Variants in DYM observed in about 807,000 individuals in gnomAD.
DYM encodes the protein dyggve-Melchior-Clausen syndrome protein.
A neutral mutation model predicts 93.1 loss-of-function variants in DYM; 78 were observed. That is an observed-to-expected ratio of 0.84 (90% CI 0.70 to 1.01). DYM has a LOEUF of 1.01. Among genes scored for constraint, DYM ranks in the 50% least tolerant of loss-of-function variants. The pLI is 0.00. For synonymous variants in DYM, 321 were observed against 319.7 expected (o/e 1.00, Z -0.04); for missense variants, 789 against 845.0 (o/e 0.93, Z 0.82).
chr18:49,059,232 G>C (rs1022759039), intron 17 of DYM, among the ~76,000 whole-genome samples: 1 of 152,098 alleles, frequency 6.6e-6, no homozygotes, highest in African/African-American at 2.4e-5. Context: ...TGCTGTCTAC[G>C]AACCACAAAG....
intron 8 of DYM, among the ~76,000 whole-genome samples, chr18:49,315,225 A>G (rs894066497): frequency 2.6e-5 from 4 of 151,874 alleles, no homozygotes; most frequent in South Asian, 2.1e-4. Flanking sequence ...AAAAAAAAAA[A>G]AAGAAGAAAG....
chr18:49,426,797 A>G lies in DYM; in HGVS notation c.140+3458T>C, dbSNP rs145653202. On this transcript the variant is annotated intron_variant, in intron 2 of 17. Transcript: ENST00000675505. ...TGTGTGTGTGTGTGTGTGTGAATTTACCCTCAAGACAGAAATAGGCCCTCT... is the reference window on the plus strand; with the variant it reads ...TGTGTGTGTGTGTGTGTGTGAATTTGCCCTCAAGACAGAAATAGGCCCTCT... Among the ~76,000 whole-genome samples the G allele has an allele frequency of 6.1e-3, 890 of 147,004 alleles. 10 individuals carry two copies. Among genetic ancestry groups the G allele is most frequent in the African/African-American group, 0.02 (829 of 40,616 alleles).
chr18:49,174,149 A>G (rs2089097396), intron 14 of DYM, among the ~76,000 whole-genome samples: 1 of 152,104 alleles, frequency 6.6e-6, no homozygotes, highest in African/African-American at 2.4e-5. Context: ...AAAATAGTGG[A>G]TGGTACTGAT....
intron 2 of DYM, among the ~76,000 whole-genome samples, chr18:49,425,238 C>T (rs1414587304): frequency 6.6e-6 from 1 of 152,030 alleles, no homozygotes; most frequent in Non-Finnish European, 1.5e-5. Flanking sequence ...GAAATAATAC[C>T]ACACATCTGC....
chr18:49,246,498 G>A (rs933901419), intron 13 of DYM, among the ~76,000 whole-genome samples: 5 of 152,170 alleles, frequency 3.3e-5, no homozygotes, highest in Admixed American at 6.5e-5. Context: ...GAGAGAAAGC[G>A]TGCCTCTTTT....
chr18:49,137,533 G>C (rs2083983827), intron 15 of DYM, among the ~76,000 whole-genome samples: 1 of 152,136 alleles, frequency 6.6e-6, no homozygotes, highest in Non-Finnish European at 1.5e-5. Context: ...GATTAAGACT[G>C]AATTTTTGCC....
chr18:49,113,916 A>G (rs748547441), intron 16 of DYM, among the ~76,000 whole-genome samples: 13 of 152,204 alleles, frequency 8.5e-5, no homozygotes, highest in Non-Finnish European at 1.9e-4. Context: ...TGGAATCTTA[A>G]TTAGGTTTAT....
chr18:49,437,644 C>T (rs1410305815), intron 1 of DYM, among the ~76,000 whole-genome samples: 1 of 152,158 alleles, frequency 6.6e-6, no homozygotes, highest in African/African-American at 2.4e-5. Flanking sequence ...TAGATACTGC[C>T]TGGCTGCCTT....
At chr18:49,071,858 T>C (rs2076917908) in intron 17 of DYM, among the ~76,000 whole-genome samples, 2 of 152,214 alleles carry the variant, frequency 1.3e-5, no homozygotes, top group South Asian at 2.1e-4. Flanking sequence ...CGTCTTGTCA[T>C]AGGGACTATT....
intron 1 of DYM, among the ~76,000 whole-genome samples, chr18:49,435,704 G>A (rs117059809): frequency 0.021 from 3,199 of 152,110 alleles, 47 homozygotes; most frequent in Non-Finnish European, 0.031. Context: ...CAGGAAAATC[G>A]CTTGAACCCT....
rs1416533999 is a variant in DYM at position 49,286,479 on chromosome 18, G to C, written c.901C>G (p.Pro301Ala). ...LANLTDASDA[P>A]NPYRQAIMSF... ...ATAATGGCTTGTCTGTAGGGGTTTGGCGCATCTGAGGCATCTGTCAGATTG... is the reference window on the plus strand; with the variant it reads ...ATAATGGCTTGTCTGTAGGGGTTTGCCGCATCTGAGGCATCTGTCAGATTG... The change falls in exon 9 of 18, where the codon CCA becomes GCA. Residue 301 changes from proline (P) to alanine (A), a missense_variant. Physicochemically the swap from Pro to Ala is conservative, Grantham distance 27 (BLOSUM62 -1). This residue lies in a region of DYM where 450 missense variants were observed against 436.2 expected (regional missense o/e 1.03). Transcript: ENST00000675505. The C allele has an allele frequency of 6.2e-7, 1 of 1,614,160 alleles. No homozygotes were observed. The highest frequency in any genetic ancestry group is 1.7e-4 in the Middle Eastern group (1 of 6,060).
intron 16 of DYM, among the ~76,000 whole-genome samples, chr18:49,111,257 G>T: frequency 6.6e-6 from 1 of 151,894 alleles, no homozygotes; most frequent in East Asian, 1.9e-4. Flanking sequence ...CTGTACAAAG[G>T]CAAGCTGTGG....
intron 2 of DYM, among the ~76,000 whole-genome samples, chr18:49,413,916 G>A (rs751827139): frequency 3.3e-5 from 5 of 151,948 alleles, no homozygotes; most frequent in East Asian, 1.9e-4. Flanking sequence ...AGGCTGAGGC[G>A]GGAGGACAAC....
At chr18:49,238,369 T>C (rs896291870) in intron 13 of DYM, among the ~76,000 whole-genome samples, 5 of 152,142 alleles carry the variant, frequency 3.3e-5, no homozygotes, top group Non-Finnish European at 1.5e-5. Flanking sequence ...AATTGGTTAC[T>C]GCCTCCATAG....
At chr18:49,100,258 T>C (rs2080001488) in intron 16 of DYM, among the ~76,000 whole-genome samples, 1 of 152,198 alleles carries the variant, frequency 6.6e-6, no homozygotes, top group East Asian at 1.9e-4. Context: ...CTCTGGGGCA[T>C]GTGGAGCCAT....
intron 14 of DYM, among the ~76,000 whole-genome samples, chr18:49,192,095 ATTTTTTTTTTT>A (rs55967928): frequency 8.8e-5 from 6 of 68,290 alleles, no homozygotes; most frequent in Admixed American, 5.7e-4. Context: ...TGCCTGGCTA[ATTTTTTTTTTT>A]TTTTTTTTTT....
chr18:49,250,378 C>T (rs1429260060), intron 13 of DYM, among the ~76,000 whole-genome samples: 5 of 152,220 alleles, frequency 3.3e-5, no homozygotes, highest in African/African-American at 1.2e-4. Context: ...CTATCTTTCC[C>T]ACACCTACTT....
intron 14 of DYM, among the ~76,000 whole-genome samples, chr18:49,203,871 T>TAAAAAAAAAA (rs71165370): frequency 6.1e-4 from 39 of 63,534 alleles, no homozygotes; most frequent in East Asian, 3.1e-3. Context: ...TTTAAAAAAG[T>TAAAAAAAAAA]AAAAAAAAAA....
intron 16 of DYM, among the ~76,000 whole-genome samples, chr18:49,105,243 C>G (rs541829310): frequency 6.6e-6 from 1 of 152,114 alleles, no homozygotes; most frequent in Non-Finnish European, 1.5e-5. Context: ...TCTGTGGGAT[C>G]GGTGGTAATA....
Sources: allele counts gnomAD v4.1 joint callset (sites outside exome capture counted in the v4.1 genomes callset), GRCh38; gene constraint gnomAD v4.1.1; regional missense constraint gnomAD v4.1.1; transcripts MANE v1.5; gene names NCBI Gene and HGNC (gene_info 2026-07-23, HGNC 2026-07-21).